CAGE1: variants seen among roughly 807,000 people sequenced by gnomAD.
The protein encoded by CAGE1 is cancer antigen 1.
In CAGE1, 66 loss-of-function variants were observed where a neutral mutation model predicts 94.9. That is an observed-to-expected ratio of 0.70 (90% confidence interval 0.57 to 0.85). CAGE1 has a LOEUF of 0.85. Among genes scored for constraint, CAGE1 ranks in the 40% least tolerant of loss-of-function variants. CAGE1 has a pLI of 0.00. For missense variants in CAGE1, 865 were observed against 950.4 expected (o/e 0.91, Z 1.18); for synonymous variants, 319 against 321.0 (o/e 0.99, Z 0.07).
chr6:7,341,070 G>C (rs779488281), intron 11 of CAGE1: 42 of 518,706 alleles, frequency 8.1e-5, no homozygotes, highest in Non-Finnish European at 1.5e-4. Flanking sequence ...AGAGGCCAGA[G>C]CTGCAGCTGT....
chr6:7,347,947 C>T (rs138308067), intron 11 of CAGE1, among the ~76,000 whole-genome samples: 1 of 152,148 alleles, frequency 6.6e-6, no homozygotes, highest in Non-Finnish European at 1.5e-5. Flanking sequence ...CTCAGACACA[C>T]CAAGCCCTGC....
chr6:7,335,362 G>T lies in CAGE1; in HGVS notation c.2370-1272C>A, dbSNP rs527301705. Among the ~76,000 whole-genome samples, 3 of 152,234 alleles carry T rather than the reference G, an allele frequency of 2.0e-5. No individual in the cohort carries two copies. The South Asian group carries it at 6.2e-4, about 32-fold the overall frequency. ...TATAAAGGATAAATAGACCTGAGAG[G>T]ATATGAAATTCTACTGCAGAGGTCT... On this transcript the variant is annotated intron_variant, in intron 11 of 13. Coordinates refer to ENST00000502583, the MANE Select transcript of CAGE1 (RefSeq NM_001170692.2).
At chr6:7,365,333 A>C (rs1346562820) in intron 9 of CAGE1, 135 bp downstream of exon 9, 2 of 649,336 alleles carry the variant, frequency 3.1e-6, no homozygotes, top group Non-Finnish European at 5.2e-6. Flanking sequence ...ATTGTGGGTA[A>C]ATAATAATGC....
Position 7,378,854 on chromosome 6 carries a change from A to G in CAGE1, c.450T>C (p.Tyr150=), listed in dbSNP as rs1207757107. ...KPEFQSQVYN[Y]AKDNNIKQDS... ...CTTGCTTTATATTGTTGTCTTTTGCATAATTATACACTTGACTTTGAAATT... is the reference window on the plus strand; with the variant it reads ...CTTGCTTTATATTGTTGTCTTTTGCGTAATTATACACTTGACTTTGAAATT... The change falls in exon 4 of 14, where the codon TAT becomes TAC. Residue 150 remains tyrosine (Y), a synonymous_variant. Transcript: ENST00000502583. The G allele has an allele frequency of 6.2e-7, 1 of 1,612,452 alleles. No individual in the cohort carries two copies. Among genetic ancestry groups the G allele is most frequent in the Non-Finnish European group, 8.5e-7 (1 of 1,179,034 alleles).
In CAGE1 at chr6:7,375,793, G is replaced by A. The variant is rs190656510; in HGVS notation, c.688-1662C>T. On this transcript the variant is annotated intron_variant, in intron 4 of 13. Coordinates refer to ENST00000502583, the MANE Select transcript of CAGE1 (RefSeq NM_001170692.2). ...GCTGTATAATTCTCTGGAATTTAGA[G>A]ACAAGGACTTCTGTATTTTGTTTTT... 1.4e-3 allele frequency among the ~76,000 whole-genome samples: 211 copies of A among 152,282 alleles called. 1 individual carries two copies. The highest frequency in any genetic ancestry group is 4.8e-3 in the African/African-American group (199 of 41,552).
intron 9 of CAGE1, among the ~76,000 whole-genome samples, chr6:7,356,651 G>A (rs1378450465): frequency 6.6e-6 from 1 of 152,090 alleles, no homozygotes; most frequent in African/African-American, 2.4e-5. Context: ...CATTAAAAAT[G>A]AAAAATTATG....
At chr6:7,386,647 C>T (rs968628143) in intron 2 of CAGE1, among the ~76,000 whole-genome samples, 3 of 152,146 alleles carry the variant, frequency 2.0e-5, no homozygotes, top group African/African-American at 4.8e-5. Flanking sequence ...AGTGCAGTGG[C>T]GCGATCTTGG....
intron 7 of CAGE1, among the ~76,000 whole-genome samples, chr6:7,366,664 C>T (rs1260699993): frequency 1.3e-5 from 2 of 152,132 alleles, no homozygotes; most frequent in Non-Finnish European, 2.9e-5. Context: ...GAAATGCATC[C>T]TGTGTGACTC....
intron 10 of CAGE1, 58 bp downstream of exon 10, chr6:7,355,967 G>A (rs943781183): frequency 4.1e-5 from 40 of 984,596 alleles, no homozygotes; most frequent in Non-Finnish European, 5.0e-5. Flanking sequence ...ACTGTACTTC[G>A]GCCTGGGTGA....
intron 2 of CAGE1, among the ~76,000 whole-genome samples, chr6:7,386,580 A>G (rs1761126964): frequency 6.6e-6 from 1 of 152,134 alleles, no homozygotes; most frequent in Non-Finnish European, 1.5e-5. Flanking sequence ...CCTGGCTAGA[A>G]AGGATCAGTT....
At chr6:7,356,228 C>G (rs1759949093) in intron 9 of CAGE1, 99 bp from the exon 10 acceptor site, 1 of 689,060 alleles carries the variant, frequency 1.5e-6, no homozygotes. Flanking sequence ...ATACTTTATT[C>G]CAATATTCTT....
chr6:7,355,207 T>G lies in CAGE1; in HGVS notation c.2299-96A>C, dbSNP rs78211451. The G allele has an allele frequency of 5.8e-4, 429 of 736,588 alleles. 4 individuals carry two copies. The East Asian group carries it at 0.011, about 19-fold the overall frequency. 45.6% of individuals were successfully genotyped at this position (736,588 alleles called of 1,614,324 possible). A position where few individuals can be genotyped will look rare whatever the true frequency, so the allele number is the denominator to read the frequency against. The stretch of plus-strand genomic sequence containing the variant: ...AAGTTGAAGCTTAATTATCTGACTA[T>G]TAATGAAAGTTTCATAATAGGCAAA... On this transcript the variant is annotated intron_variant, in intron 10 of 13. Transcript: ENST00000502583.
intron 11 of CAGE1, among the ~76,000 whole-genome samples, chr6:7,351,405 T>G (rs1352344088): frequency 2.0e-5 from 3 of 151,976 alleles, no homozygotes; most frequent in African/African-American, 7.2e-5. Context: ...TTGGCACTAT[T>G]CCACAAGGTA....
intron 3 of CAGE1, 146 bp downstream of exon 3, chr6:7,385,639 A>C (rs1205347992): frequency 2.3e-6 from 1 of 435,304 alleles, no homozygotes; most frequent in South Asian, 6.1e-5. Context: ...CAATTTTTTA[A>C]AATTCTTATT....
intron 11 of CAGE1, among the ~76,000 whole-genome samples, chr6:7,345,617 G>A (rs890005330): frequency 2.0e-5 from 3 of 152,138 alleles, no homozygotes; most frequent in Non-Finnish European, 4.4e-5. Flanking sequence ...TGTTTCTAAC[G>A]TCTAAGGCCT....
intron 11 of CAGE1, among the ~76,000 whole-genome samples, chr6:7,344,639 G>A (rs956035064): frequency 2.6e-5 from 4 of 152,242 alleles, no homozygotes; most frequent in Admixed American, 2.0e-4. Flanking sequence ...TCCACCTGCA[G>A]CCCCGGTGCC....
intron 11 of CAGE1, chr6:7,338,759 T>C (rs1434802610): frequency 1.4e-6 from 1 of 708,408 alleles, no homozygotes; most frequent in Non-Finnish European, 2.5e-6. Context: ...CTTTTTTTTT[T>C]CTGTCTTTGT....
chr6:7,364,802 G>T (rs1760271204), intron 9 of CAGE1, among the ~76,000 whole-genome samples: 1 of 152,056 alleles, frequency 6.6e-6, no homozygotes, highest in South Asian at 2.1e-4. Flanking sequence ...AATTACAAAA[G>T]AGGAAAGCTT....
chr6:7,378,451 T>TTA (rs34451165), intron 4 of CAGE1, among the ~76,000 whole-genome samples, 166 bp downstream of exon 4: 7,869 of 149,720 alleles, frequency 0.053, 304 homozygotes, highest in African/African-American at 0.11. Flanking sequence ...AAGTCTCAGA[T>TTA]TATATATATA....
Sources: allele counts gnomAD v4.1 joint callset (sites outside exome capture counted in the v4.1 genomes callset), GRCh38; gene constraint gnomAD v4.1.1; transcripts MANE v1.5; gene names NCBI Gene and HGNC (gene_info 2026-07-23, HGNC 2026-07-21).